The following LARGE1 variants were observed in gnomAD, a reference collection of about 807,000 sequenced individuals.
LARGE1 encodes the protein LARGE xylosyl- and glucuronyltransferase 1.
Under a neutral mutation model 87.6 loss-of-function variants are expected in LARGE1, and 43 were observed. That is an observed-to-expected ratio of 0.49 (90% CI 0.38 to 0.63). The LOEUF is 0.63. Ranked by LOEUF, LARGE1 falls within the 30% of genes least tolerant of loss-of-function variation. The pLI is 0.00. For synonymous variants in LARGE1, 434 were observed against 394.6 expected (o/e 1.10, Z -1.18); for missense variants, 802 against 1,000.2 (o/e 0.80, Z 2.67).
intron 6 of LARGE1, among the ~76,000 whole-genome samples, chr22:33,474,539 C>T (rs1238171877): frequency 6.6e-6 from 1 of 152,156 alleles, no homozygotes; most frequent in Non-Finnish European, 1.5e-5. Flanking sequence ...GGCGCTTACC[C>T]CCTTATGCCT....
At chr22:33,224,342 C>T (rs976564153) in intron 11 of LARGE1, among the ~76,000 whole-genome samples, 1 of 129,398 alleles carries the variant, frequency 7.7e-6, no homozygotes, top group African/African-American at 3.4e-5. Context: ...TATGACTAGA[C>T]AGCTCAGCTT....
chr22:33,896,816 C>A (rs1467279018), intron 1 of LARGE1, among the ~76,000 whole-genome samples: 2 of 152,144 alleles, frequency 1.3e-5, no homozygotes, highest in African/African-American at 2.4e-5. Flanking sequence ...GATACTCACT[C>A]GTTCTCTCTC....
intron 1 of LARGE1, among the ~76,000 whole-genome samples, chr22:33,913,668 C>T (rs759391460): frequency 3.9e-5 from 6 of 152,052 alleles, no homozygotes; most frequent in Non-Finnish European, 7.4e-5. Context: ...CTCAGCCTCC[C>T]GAGTAGCTGG....
intron 1 of LARGE1, among the ~76,000 whole-genome samples, chr22:33,762,168 G>A (rs1406481736): frequency 2.2e-5 from 3 of 136,476 alleles, no homozygotes; most frequent in African/African-American, 8.4e-5. Flanking sequence ...GAGCTGAGAT[G>A]GCGCCACTGC....
chr22:33,614,420 G>A (rs2079525304), intron 4 of LARGE1, among the ~76,000 whole-genome samples: 1 of 152,022 alleles, frequency 6.6e-6, no homozygotes, highest in Admixed American at 6.6e-5. Flanking sequence ...CCATACACTT[G>A]CTCTAATGTA....
At chr22:33,419,134 TG>T (rs1334659658) in intron 7 of LARGE1, among the ~76,000 whole-genome samples, 2 of 151,978 alleles carry the variant, frequency 1.3e-5, no homozygotes, top group East Asian at 3.9e-4. Flanking sequence ...TCTTACATGG[TG>T]GCAGGCAAGA....
the LARGE1 span, among the ~76,000 whole-genome samples, chr22:33,099,959 C>A: frequency 2.0e-5 from 3 of 152,126 alleles, no homozygotes; most frequent in Non-Finnish European, 2.9e-5. Flanking sequence ...TATTGGATCA[C>A]AGAGAAATAA....
At chr22:33,705,924 C>T (rs1207662371) in intron 2 of LARGE1, among the ~76,000 whole-genome samples, 2 of 152,158 alleles carry the variant, frequency 1.3e-5, no homozygotes, top group Non-Finnish European at 2.9e-5. Context: ...CTATGAGTTA[C>T]CATTAACATG....
chr22:33,777,332 G>A (rs990976067), intron 1 of LARGE1, among the ~76,000 whole-genome samples: 1 of 152,044 alleles, frequency 6.6e-6, no homozygotes, highest in African/African-American at 2.4e-5. Context: ...AGGAATGATG[G>A]GATCTGTGCT....
intron 6 of LARGE1, among the ~76,000 whole-genome samples, chr22:33,489,336 T>C (rs574369484): frequency 1.3e-5 from 2 of 152,338 alleles, no homozygotes; most frequent in Non-Finnish European, 2.9e-5. Flanking sequence ...CTGTCAATCA[T>C]TCATTCAAGA....
chr22:33,872,855 C>G (rs996174555), intron 1 of LARGE1, among the ~76,000 whole-genome samples: 2 of 152,074 alleles, frequency 1.3e-5, no homozygotes, highest in African/African-American at 2.4e-5. Context: ...AAAAAATAAG[C>G]TGGGTGTGGT....
intron 14 of LARGE1, 88 bp from the exon 15 acceptor site, chr22:33,274,712 G>A (rs1928859561): frequency 8.5e-7 from 1 of 1,171,736 alleles, no homozygotes; most frequent in East Asian, 2.4e-5. Flanking sequence ...AATGGCTAGT[G>A]AATGAATGAC....
chr22:33,622,077 T>C (rs191037338), intron 4 of LARGE1, among the ~76,000 whole-genome samples: 20 of 152,298 alleles, frequency 1.3e-4, no homozygotes, highest in African/African-American at 4.8e-4. Flanking sequence ...GGCAACCTCC[T>C]GGTGCCACCC....
At chr22:33,234,124 A>G (rs1926139826) in intron 11 of LARGE1, among the ~76,000 whole-genome samples, 1 of 152,248 alleles carries the variant, frequency 6.6e-6, no homozygotes, top group Non-Finnish European at 1.5e-5. Flanking sequence ...GCATGTGTCA[A>G]CAAGGAGTCT....
intron 1 of LARGE1, among the ~76,000 whole-genome samples, chr22:33,883,206 C>T (rs543437739): frequency 1.3e-5 from 2 of 152,120 alleles, no homozygotes; most frequent in East Asian, 1.9e-4. Flanking sequence ...CCCACAGTGT[C>T]GGGGAGCGCT....
intron 1 of LARGE1, among the ~76,000 whole-genome samples, chr22:33,818,346 T>C (rs966047766): frequency 6.6e-6 from 1 of 152,168 alleles, no homozygotes; most frequent in African/African-American, 2.4e-5. Flanking sequence ...AGGAACCCTA[T>C]CAACTCACTC....
chr22:33,631,180 G>A (rs1406170692), intron 3 of LARGE1, among the ~76,000 whole-genome samples: 1 of 151,752 alleles, frequency 6.6e-6, no homozygotes, highest in African/African-American at 2.4e-5. Context: ...TTTAAGAGAT[G>A]GGGTCTTGCT....
intron 10 of LARGE1, among the ~76,000 whole-genome samples, chr22:33,330,777 G>C (rs1228515429): frequency 6.6e-6 from 1 of 152,184 alleles, no homozygotes; most frequent in African/African-American, 2.4e-5. Flanking sequence ...CCAACCAGTG[G>C]CTCTGAAATG....
At chr22:33,089,289 C>G in the LARGE1 span, among the ~76,000 whole-genome samples, 5 of 149,884 alleles carry the variant, frequency 3.3e-5, no homozygotes, top group African/African-American at 7.5e-5. Flanking sequence ...TGTTCTTCTT[C>G]TTCTTCTTCT....
Sources: allele counts gnomAD v4.1 joint callset (sites outside exome capture counted in the v4.1 genomes callset), GRCh38; gene constraint gnomAD v4.1.1; transcripts MANE v1.5; gene names NCBI Gene and HGNC (gene_info 2026-07-23, HGNC 2026-07-21).